The following ZBTB49 variants were observed in gnomAD, a reference collection of about 807,000 sequenced individuals.
The protein encoded by ZBTB49 is zinc finger and BTB domain containing 49, also known as zinc finger and BTB domain-containing protein 49.
ZBTB49 carries 43 observed loss-of-function variants against 57.5 expected under a neutral mutation model. The ratio of observed to expected loss-of-function variants is 0.75; its 90% CI spans 0.59 to 0.97. The LOEUF (loss-of-function observed/expected upper bound fraction) is 0.97. Ranked by LOEUF, ZBTB49 falls within the 50% of genes least tolerant of loss-of-function variation. ZBTB49 has a pLI of 0.00. For missense variants in ZBTB49, 938 were observed against 947.7 expected (o/e 0.99, Z 0.13); for synonymous variants, 369 against 362.1 (o/e 1.02, Z -0.22).
chr4:4,316,058 G>A (rs1721183933), intron 7 of ZBTB49, 88 bp downstream of exon 7: 2 of 1,508,390 alleles, frequency 1.3e-6, no homozygotes, highest in Non-Finnish European at 1.8e-6. Context: ...TGCGTGTCTG[G>A]GATGAGCCCT....
intron 4 of ZBTB49, 117 bp downstream of exon 4, chr4:4,306,301 T>TA: frequency 1.2e-6 from 1 of 827,456 alleles, no homozygotes; most frequent in South Asian, 1.5e-5. Flanking sequence ...GTCTGTAACT[T>TA]AAAGACTTCA....
rs190675261 is a variant in ZBTB49, at chr4:4,297,671, A to G, written c.-19-2256A>G. On this transcript the variant is annotated intron_variant, in intron 1 of 7. Coordinates refer to ENST00000337872, the MANE Select transcript of ZBTB49 (RefSeq NM_145291.4). ...TATGGTGGCACATGCCTGTAGTCAC[A>G]GTTGTGGTGGGAGGATCACCTGAGC... Among the ~76,000 whole-genome samples the G allele has an allele frequency of 5.3e-5, 8 of 151,540 alleles. No individual in the cohort carries two copies. In the East Asian group the frequency reaches 1.6e-3, roughly 30 times the overall value.
rs184927318 is a variant in ZBTB49 at position 4,295,306 on chromosome 4, G to A, written c.-19-4621G>A. On this transcript the variant is annotated intron_variant, in intron 1 of 7. Transcript: ENST00000337872. ...GCAGCAGGGGAGAGAGAACCGGGTG[G>A]GGGGAGCAGGGACTGCCAAACATTT... is the stretch of plus-strand genomic sequence containing the variant. Among the ~76,000 whole-genome samples the A allele has an allele frequency of 4.4e-3, 667 of 152,212 alleles. 17 individuals carry two copies. Among genetic ancestry groups the A allele is most frequent in the Non-Finnish European group, 1.0e-3 (70 of 68,014 alleles).
At chr4:4,316,111 T>A in intron 7 of ZBTB49, 141 bp downstream of exon 7, 1 of 1,134,472 alleles carries the variant, frequency 8.8e-7, no homozygotes, top group Non-Finnish European at 1.2e-6. Context: ...GATCTCTCAT[T>A]CATTCCTGCA....
chr4:4,316,009 T>C (rs1721181886), intron 7 of ZBTB49, 39 bp downstream of exon 7: 1 of 1,606,946 alleles, frequency 6.2e-7, no homozygotes, highest in Non-Finnish European at 8.5e-7. Context: ...GTCATCTGTG[T>C]GTGGGAAGGG....
intron 1 of ZBTB49, among the ~76,000 whole-genome samples, chr4:4,296,001 G>T (rs12647262): frequency 0.066 from 10,112 of 152,232 alleles, 879 homozygotes; most frequent in East Asian, 0.32. Flanking sequence ...ACATGTAAAA[G>T]CCAAGAATGA....
chr4:4,299,447 A>G (rs1318344419), intron 1 of ZBTB49, among the ~76,000 whole-genome samples: 2 of 152,072 alleles, frequency 1.3e-5, no homozygotes, highest in East Asian at 4.0e-4. Flanking sequence ...TGTTTGATAA[A>G]TATGGATTTG....
intron 1 of ZBTB49, among the ~76,000 whole-genome samples, chr4:4,295,633 A>C (rs1211767299): frequency 6.6e-6 from 1 of 152,222 alleles, no homozygotes; most frequent in African/African-American, 2.4e-5. Flanking sequence ...AGGATTCAGC[A>C]CTGGGAACAG....
At chr4:4,304,276 A>G (rs1210116692) in intron 3 of ZBTB49, among the ~76,000 whole-genome samples, 1 of 147,842 alleles carries the variant, frequency 6.8e-6, no homozygotes, top group Admixed American at 6.8e-5. Flanking sequence ...CCCAGACTGG[A>G]GTGCAGTGGC....
At chr4:4,301,807 A>G (rs1183483073) in intron 2 of ZBTB49, among the ~76,000 whole-genome samples, 182 bp from the exon 3 acceptor site, 1 of 141,758 alleles carries the variant, frequency 7.1e-6, no homozygotes, top group African/African-American at 2.4e-5. Flanking sequence ...AATTTAATTC[A>G]TCTGAATTAT....
At chr4:4,307,082 AC>A (rs1440267268) in intron 4 of ZBTB49, among the ~76,000 whole-genome samples, 1 of 152,060 alleles carries the variant, frequency 6.6e-6, no homozygotes, top group Non-Finnish European at 1.5e-5. Flanking sequence ...TTGCTCACAC[AC>A]CCAAACCTGC....
At chr4:4,316,726 A>T (rs1277923226) in intron 7 of ZBTB49, among the ~76,000 whole-genome samples, 1 of 152,232 alleles carries the variant, frequency 6.6e-6, no homozygotes, top group East Asian at 1.9e-4. Context: ...TTGTAATTGG[A>T]ATCTGAAACC....
intron 4 of ZBTB49, among the ~76,000 whole-genome samples, chr4:4,309,953 C>T (rs1288774187): frequency 1.3e-5 from 2 of 152,140 alleles, no homozygotes; most frequent in Non-Finnish European, 2.9e-5. Context: ...TCTTGAAACT[C>T]CTGAGCTAGC....
rs1224043611 is a variant in ZBTB49, at chr4:4,302,989, C to T, written c.1153C>T (p.Gln385Ter). 6.2e-7 allele frequency: 1 copy of T among 1,614,204 alleles called. No homozygotes were observed. The highest frequency in any genetic ancestry group is 1.1e-5 in the South Asian group (1 of 91,082). The change falls in exon 3 of 8, where the codon CAG (glutamine) becomes TAG (stop). Residue 385 changes from glutamine (Q) to a stop codon, truncating the protein, a stop_gained. Transcript: ENST00000337872. LOFTEE classifies it high-confidence loss of function. ...TGAAGACCCGGCTGCCCTGGAAGAC[C>T]AGTCCCAGACACTTCAGTCCCAGAG... Reference protein sequence around the residue: ...RPEDPAALEDQSQTLQSQRQY... With the variant: ...RPEDPAALED
intron 7 of ZBTB49, 54 bp from the exon 8 acceptor site, chr4:4,320,586 G>T: frequency 6.2e-7 from 1 of 1,602,850 alleles, no homozygotes; most frequent in Non-Finnish European, 8.5e-7. Context: ...ACCAGCCTGG[G>T]CCACATAGTG....
intron 2 of ZBTB49, among the ~76,000 whole-genome samples, chr4:4,300,782 TAAA>T (rs11445834): frequency 6.9e-6 from 1 of 144,946 alleles, no homozygotes; most frequent in African/African-American, 2.5e-5. Context: ...CTCTGTCTCT[TAAA>T]AAAAAAAAAA....
At chr4:4,296,140 A>G (rs932332856) in intron 1 of ZBTB49, among the ~76,000 whole-genome samples, 1 of 152,232 alleles carries the variant, frequency 6.6e-6, no homozygotes, top group Non-Finnish European at 1.5e-5. Flanking sequence ...GAAGAGAACC[A>G]GAAGAGTTCT....
At chr4:4,300,880 TA>T (rs923300396) in intron 2 of ZBTB49, among the ~76,000 whole-genome samples, 47 of 152,252 alleles carry the variant, frequency 3.1e-4, no homozygotes, top group African/African-American at 1.1e-3. Context: ...CTTTTTTTTT[TA>T]AAGTACTTTT....
At chr4:4,317,351 A>G (rs1333489459) in intron 7 of ZBTB49, among the ~76,000 whole-genome samples, 1 of 152,230 alleles carries the variant, frequency 6.6e-6, no homozygotes, top group Non-Finnish European at 1.5e-5. Flanking sequence ...TTCCCATACC[A>G]TAAAATTTAC....
Sources: gnomAD v4.1 joint callset for allele counts (sites outside exome capture counted in the v4.1 genomes callset) on GRCh38, gnomAD v4.1.1 for gene constraint, MANE v1.5 for transcripts, NCBI Gene and HGNC (gene_info 2026-07-23, HGNC 2026-07-21) for gene names.